LTBP2: variants seen among roughly 807,000 people sequenced by gnomAD.
LTBP2 encodes the protein latent-transforming growth factor beta-binding protein 2.
In LTBP2, 103 loss-of-function variants were observed where a neutral mutation model predicts 210.6. The observed-to-expected ratio is 0.49, with a 90% CI of 0.42 to 0.58. LTBP2 has a LOEUF of 0.58. Among genes scored for constraint, LTBP2 ranks in the 20% least tolerant of loss-of-function variants. LTBP2 has a pLI of 0.00. For missense variants in LTBP2, 2,313 were observed against 2,494.5 expected (o/e 0.93, Z 1.55); for synonymous variants, 1,007 against 1,015.0 (o/e 0.99, Z 0.15).
rs758448073 is a variant in LTBP2, at chr14:74,500,897, G to A, written c.5453C>T (p.Thr1818Ile). 5 of 1,614,124 alleles carry A rather than the reference G, an allele frequency of 3.1e-6. No individual in the cohort carries two copies. The highest frequency in any genetic ancestry group is 1.7e-4 in the Middle Eastern group (1 of 6,040). Residue 1818 changes from threonine to isoleucine, a missense_variant, in exon 36 of 36, where the codon ACT (threonine) becomes ATT (isoleucine). Physicochemically the swap from Thr to Ile is moderately conservative, Grantham distance 89. Transcript: ENST00000261978. ...YVAEAGPPHC[T>I]AKE is the part of the protein sequence containing the mutation. ...GACCCCTGACTGCTACTCCTTGGCA[G>A]TGCAGTGGGGGGGCCCTGCCTCAGC...
At chr14:74,608,261 C>T (rs897273797) in intron 1 of LTBP2, among the ~76,000 whole-genome samples, 2 of 152,074 alleles carry the variant, frequency 1.3e-5, no homozygotes, top group African/African-American at 4.8e-5. Flanking sequence ...CCTTTTAGTG[C>T]ATTTATAAAA....
At chr14:74,604,174 A>AAAAAAAAAAAAAAAAAAAC (rs1214691187) in intron 1 of LTBP2, among the ~76,000 whole-genome samples, 2 of 150,560 alleles carry the variant, frequency 1.3e-5, no homozygotes, top group African/African-American at 4.9e-5. Flanking sequence ...CAAAAAAAAA[A>AAAAAAAAAAAAAAAAAAAC]AAAAAAAAAA....
intron 12 of LTBP2, among the ~76,000 whole-genome samples, chr14:74,527,786 G>T (rs1395057849): frequency 3.3e-5 from 5 of 152,210 alleles, no homozygotes; most frequent in African/African-American, 1.2e-4. Context: ...CTTTGGGCCA[G>T]GGGAACAGTT....
intron 18 of LTBP2, among the ~76,000 whole-genome samples, chr14:74,516,294 T>C (rs892575847): frequency 4.0e-5 from 6 of 151,878 alleles, no homozygotes; most frequent in Non-Finnish European, 5.9e-5. Context: ...GGAGACCAGT[T>C]AGCAATGTCA....
At chr14:74,564,150 TTTATATATATATTTATATATATATTTA>T in intron 3 of LTBP2, among the ~76,000 whole-genome samples, 1 of 46,004 alleles carries the variant, frequency 2.2e-5, no homozygotes, top group African/African-American at 9.6e-5. Flanking sequence ...TATATATATA[TTTATATATATATTTATATATATATTTA>T]TATATATATT....
chr14:74,558,698 C>T (rs1291573901), intron 3 of LTBP2, among the ~76,000 whole-genome samples: 1 of 152,240 alleles, frequency 6.6e-6, no homozygotes, highest in Non-Finnish European at 1.5e-5. Flanking sequence ...TATGTTATTG[C>T]TGCTGTCAGT....
At chr14:74,557,579 G>A (rs1317833396) in intron 3 of LTBP2, among the ~76,000 whole-genome samples, 8 of 152,044 alleles carry the variant, frequency 5.3e-5, no homozygotes, top group African/African-American at 9.7e-5. Context: ...AAAATCCTCC[G>A]CTCATGTCCT....
At chr14:74,608,571 G>A (rs1431608402) in intron 1 of LTBP2, among the ~76,000 whole-genome samples, 8 of 152,022 alleles carry the variant, frequency 5.3e-5, no homozygotes, top group African/African-American at 1.9e-4. Context: ...TTAGCCGGGT[G>A]TGGTGACGTG....
intron 8 of LTBP2, 80 bp downstream of exon 8, chr14:74,549,782 TG>T: frequency 1.6e-6 from 2 of 1,219,848 alleles, no homozygotes; most frequent in Non-Finnish European, 1.2e-6. Context: ...TCTGACATCC[TG>T]GAGGGGAAAC....
At chr14:74,520,302 G>T (rs1380533377) in intron 17 of LTBP2, among the ~76,000 whole-genome samples, 1 of 152,054 alleles carries the variant, frequency 6.6e-6, no homozygotes, top group Non-Finnish European at 1.5e-5. Context: ...AGCAAACCAT[G>T]CTTTGGAGCT....
intron 8 of LTBP2, 66 bp downstream of exon 8, chr14:74,549,797 G>A (rs752898859): frequency 1.2e-4 from 163 of 1,347,850 alleles, no homozygotes; most frequent in Non-Finnish European, 1.5e-4. Context: ...GGGAAACCCT[G>A]GCAGGAGAGG....
At position 74,508,949 on chromosome 14, in the gene LTBP2, A is replaced by G; in HGVS notation, c.3407T>C (p.Val1136Ala). The change falls in exon 23 of 36, where the codon GTG becomes GCG. Residue 1136 changes from valine (V) to alanine (A), a missense_variant. Val to Ala is a moderately conservative substitution (Grantham distance 64). Coordinates refer to ENST00000261978, the MANE Select transcript of LTBP2 (RefSeq NM_000428.3). ...GCTCTGGGGGTCTTCACATTCATCCACATCTGCAGGGCCACACAGGGGAGG... is the reference window on the plus strand; with the variant it reads ...GCTCTGGGGGTCTTCACATTCATCCGCATCTGCAGGGCCACACAGGGGAGG... ...PSPLGDSCED[V>A]DECEDPQSSC... 1 of 1,613,386 alleles carries G rather than the reference A, an allele frequency of 6.2e-7. No individual in the cohort carries two copies. Among genetic ancestry groups the G allele is most frequent in the East Asian group, 2.2e-5 (1 of 44,858 alleles).
Position 74,553,115 on chromosome 14 carries a change from A to T in LTBP2, c.1022-53T>A. 1.9e-6 allele frequency: 3 copies of T among 1,572,498 alleles called. No individual in the cohort carries two copies. In the Admixed American group the frequency reaches 5.1e-5, roughly 27 times the overall value. ...GGCAGGGCTGAGAGGCACAGCTGTG[A>T]CCTCCAGAGTCTGGTTAGAAAGCCC... On this transcript the variant is annotated intron_variant, in intron 4 of 35. Transcript: ENST00000261978.
At chr14:74,548,129 C>A (rs1474968817) in intron 8 of LTBP2, among the ~76,000 whole-genome samples, 1 of 151,602 alleles carries the variant, frequency 6.6e-6, no homozygotes, top group African/African-American at 2.4e-5. Flanking sequence ...GGGCCCCCAT[C>A]CCACAGTGTA....
chr14:74,509,442 C>T, intron 21 of LTBP2, 79 bp from the exon 22 acceptor site: 1 of 1,597,840 alleles, frequency 6.3e-7, no homozygotes, highest in Non-Finnish European at 8.6e-7. Context: ...ACCGTGGCTT[C>T]CCTCTCTGAG....
rs143057935 is a variant in LTBP2, at chr14:74,506,235, C to T, written c.4034-44G>A. Reference sequence around the variant, plus strand: ...GGCTCGTGGGCAGAAAAGAGGCAGCCCGTGCCCCCTGCCCCTGACTACAGC... The same window carrying T: ...GGCTCGTGGGCAGAAAAGAGGCAGCTCGTGCCCCCTGCCCCTGACTACAGC... On this transcript the variant is annotated intron_variant, in intron 27 of 35. Coordinates refer to ENST00000261978, the MANE Select transcript of LTBP2 (RefSeq NM_000428.3). 3,118 of 1,613,718 alleles carry T rather than the reference C, an allele frequency of 1.9e-3. 60 individuals carry two copies. The African/African-American group carries it at 0.036, about 19-fold the overall frequency.
At chr14:74,572,741 C>T (rs1159018756) in intron 3 of LTBP2, among the ~76,000 whole-genome samples, 18 of 152,114 alleles carry the variant, frequency 1.2e-4, no homozygotes, top group Admixed American at 9.2e-4. Context: ...ACCCACGCCC[C>T]GCCACACACA....
intron 2 of LTBP2, among the ~76,000 whole-genome samples, chr14:74,601,604 G>T (rs1434594614): frequency 6.6e-6 from 1 of 152,130 alleles, no homozygotes; most frequent in African/African-American, 2.4e-5. Flanking sequence ...CCAAAATTCT[G>T]CCTGAGCTGC....
chr14:74,594,838 G>A (rs560090778), intron 2 of LTBP2, among the ~76,000 whole-genome samples: 8 of 152,144 alleles, frequency 5.3e-5, no homozygotes, highest in African/African-American at 1.9e-4. Flanking sequence ...CCTCAGAATC[G>A]CTCTCTCCAC....
Sources: gnomAD v4.1 joint callset for allele counts (sites outside exome capture counted in the v4.1 genomes callset) on GRCh38, gnomAD v4.1.1 for gene constraint, MANE v1.5 for transcripts, NCBI Gene and HGNC (gene_info 2026-07-23, HGNC 2026-07-21) for gene names.